Variants in CWF19L2 observed in about 807,000 individuals in gnomAD.
CWF19L2 encodes the protein CWF19-like protein 2.
Under a neutral mutation model 111.7 loss-of-function variants are expected in CWF19L2, and 98 were observed. The ratio of observed to expected loss-of-function variants is 0.88; its 90% confidence interval spans 0.75 to 1.04. The LOEUF (loss-of-function observed/expected upper bound fraction) is 1.04, where lower values mean the gene tolerates loss of function less well. Ranked by LOEUF, CWF19L2 falls within the 50% of genes least tolerant of loss-of-function variation. The probability of loss-of-function intolerance (pLI) is 0.00; values close to 1 mark genes in which losing one functional copy is unlikely to be tolerated. For missense variants in CWF19L2, 1,101 were observed against 1,051.4 expected (o/e 1.05, Z -0.65); for synonymous variants, 351 against 342.9 (o/e 1.02, Z -0.26).
chr11:107,451,032 A>G (rs1861770777), intron 3 of CWF19L2, among the ~76,000 whole-genome samples: 3 of 152,194 alleles, frequency 2.0e-5, no homozygotes, highest in Admixed American at 1.3e-4. Context: ...ATACCTAACA[A>G]TGGCAGAATA....
intron 14 of CWF19L2, among the ~76,000 whole-genome samples, chr11:107,341,651 G>A (rs1470736718): frequency 4.6e-5 from 7 of 152,148 alleles, no homozygotes; most frequent in Non-Finnish European, 1.0e-4. Flanking sequence ...TTCCTCAAGA[G>A]ATTATATAAA....
chr11:107,335,031 G>A, intron 15 of CWF19L2, 70 bp from the exon 16 acceptor site: 1 of 914,902 alleles, frequency 1.1e-6, no homozygotes, highest in East Asian at 2.4e-5. Context: ...CTTATAACAA[G>A]TAATATAGCA....
rs367905705 is a variant in CWF19L2, at chr11:107,385,498, A to C, written c.1872+4576T>G. Among the ~76,000 whole-genome samples the C allele has an allele frequency of 9.4e-4, 143 of 152,340 alleles. 6 individuals carry two copies. In the South Asian group the frequency reaches 0.029, roughly 31 times the overall value. ...TAAACGTCAATTTATCTAAACGTCA[A>C]TTAAAAAAATCAAAGATGTAAAATG... is the stretch of plus-strand genomic sequence containing the variant. On this transcript the variant is annotated intron_variant, in intron 12 of 17. Transcript: ENST00000282251.
chr11:107,362,413 T>G (rs565559010), intron 12 of CWF19L2, among the ~76,000 whole-genome samples: 144 of 152,004 alleles, frequency 9.5e-4, no homozygotes, highest in African/African-American at 3.4e-3. Flanking sequence ...TCTGCAGACT[T>G]AAATGTCCCT....
intron 3 of CWF19L2, among the ~76,000 whole-genome samples, chr11:107,450,954 C>T (rs1247477250): frequency 6.6e-6 from 1 of 152,036 alleles, no homozygotes; most frequent in African/African-American, 2.4e-5. Flanking sequence ...AACAGGTGAA[C>T]AGAAAATCAT....
chr11:107,379,785 C>T (rs1034776378), intron 12 of CWF19L2, among the ~76,000 whole-genome samples: 4 of 152,032 alleles, frequency 2.6e-5, no homozygotes, highest in East Asian at 1.9e-4. Flanking sequence ...CTCAGCCGGG[C>T]GCGGTGGCTC....
chr11:107,356,496 G>A (rs1280995601), intron 12 of CWF19L2, among the ~76,000 whole-genome samples: 2 of 152,034 alleles, frequency 1.3e-5, no homozygotes, highest in African/African-American at 2.4e-5. Flanking sequence ...CTACATATTA[G>A]TCCTTGTATA....
At chr11:107,415,995 G>A (rs1425579028) in intron 10 of CWF19L2, among the ~76,000 whole-genome samples, 1 of 152,076 alleles carries the variant, frequency 6.6e-6, no homozygotes, top group Non-Finnish European at 1.5e-5. Context: ...TACTCAGGAG[G>A]CTGAGGCACA....
At chr11:107,423,403 G>T (rs888126399) in intron 8 of CWF19L2, among the ~76,000 whole-genome samples, 2 of 151,886 alleles carry the variant, frequency 1.3e-5, no homozygotes, top group African/African-American at 4.8e-5. Context: ...AATAACCACA[G>T]TTCATGCCCT....
At chr11:107,354,100 CTTT>C (rs58883142) in intron 12 of CWF19L2, among the ~76,000 whole-genome samples, 5 of 144,194 alleles carry the variant, frequency 3.5e-5, no homozygotes, top group African/African-American at 5.1e-5. Flanking sequence ...GAATGTGGAA[CTTT>C]TTTTTTTTTT....
intron 12 of CWF19L2, among the ~76,000 whole-genome samples, chr11:107,372,666 A>G (rs1299347869): frequency 7.3e-6 from 1 of 136,326 alleles, no homozygotes; most frequent in East Asian, 2.1e-4. Flanking sequence ...CAGTGAGATA[A>G]GAGTTAAGAA....
chr11:107,430,487 G>A (rs1861450163), intron 7 of CWF19L2, among the ~76,000 whole-genome samples: 1 of 151,930 alleles, frequency 6.6e-6, no homozygotes, highest in South Asian at 2.1e-4. Context: ...GGAATCAGAG[G>A]GCATATCACT....
intron 3 of CWF19L2, among the ~76,000 whole-genome samples, chr11:107,448,532 GA>G (rs1396727587): frequency 6.6e-6 from 1 of 151,646 alleles, no homozygotes; most frequent in Non-Finnish European, 1.5e-5. Context: ...AAAATACTTC[GA>G]AAAAAGCCTG....
chr11:107,368,928 A>G (rs1860471112), intron 12 of CWF19L2, among the ~76,000 whole-genome samples: 1 of 137,848 alleles, frequency 7.3e-6, no homozygotes, highest in Admixed American at 7.1e-5. Context: ...AGACATTACA[A>G]CTGATATCAC....
chr11:107,435,729 A>C (rs1471315309), intron 6 of CWF19L2, among the ~76,000 whole-genome samples: 1 of 152,164 alleles, frequency 6.6e-6, no homozygotes, highest in Non-Finnish European at 1.5e-5. Flanking sequence ...GTAAGAAAAA[A>C]ATCACCAAAT....
intron 12 of CWF19L2, among the ~76,000 whole-genome samples, chr11:107,386,837 C>T (rs1316828023): frequency 1.3e-5 from 2 of 152,042 alleles, no homozygotes; most frequent in Non-Finnish European, 2.9e-5. Context: ...GGGCGGATCA[C>T]GAGGTCAAGA....
At position 107,349,045 on chromosome 11, in the gene CWF19L2, TA is replaced by T; in HGVS notation, c.2093del (p.Leu698TyrfsTer15). On this transcript the variant is annotated frameshift_variant, in exon 14 of 18. Coordinates refer to ENST00000282251, the MANE Select transcript of CWF19L2 (RefSeq NM_152434.3). LOFTEE classifies it high-confidence loss of function. ...LIVAIGVKVYLCLPNVRSLTE... is the reference protein window; with the variant it reads ...LIVAIGVKVYXCLPNVRSLTE... Reference sequence around the variant, plus strand: ...TAAGAGACCGTACGTTGGGTAAACATAAATAAACCTATAAGAGAGAAATACA... The same window carrying T: ...TAAGAGACCGTACGTTGGGTAAACATAATAAACCTATAAGAGAGAAATACA... 6.4e-7 allele frequency: 1 copy of T among 1,557,080 alleles called. No homozygotes were observed. Among genetic ancestry groups the T allele is most frequent in the Non-Finnish European group, 8.8e-7 (1 of 1,132,528 alleles).
At chr11:107,368,902 T>C (rs1338591165) in intron 12 of CWF19L2, among the ~76,000 whole-genome samples, 1 of 137,250 alleles carries the variant, frequency 7.3e-6, no homozygotes. Context: ...GCATTCAAAA[T>C]CAGAAATGTA....
rs1411174374 is a variant in CWF19L2 at position 107,443,005 on chromosome 11, A to T, written c.384T>A (p.Pro128=). 6.4e-7 allele frequency: 1 copy of T among 1,551,928 alleles called. No individual in the cohort carries two copies. The highest frequency in any genetic ancestry group is 1.2e-5 in the South Asian group (1 of 84,058). ...EWVEAVPSQT[P]DKEKAWKVKD... ...TCACTTTCCAGGCTTTTTCCTTGTC[A>T]GGAGTCTGGGATGGAACAGCCTCAA... The change falls in exon 4 of 18, where the codon CCT becomes CCA. Residue 128 remains proline (P), a synonymous_variant. Coordinates refer to ENST00000282251, the MANE Select transcript of CWF19L2 (RefSeq NM_152434.3).
Sources: gnomAD v4.1 joint callset for allele counts (sites outside exome capture counted in the v4.1 genomes callset) on GRCh38, gnomAD v4.1.1 for gene constraint, MANE v1.5 for transcripts, NCBI Gene and HGNC (gene_info 2026-07-23, HGNC 2026-07-21) for gene names.